ANK2: variants seen among roughly 807,000 people sequenced by gnomAD.
ANK2 encodes ankyrin 2, also known as ankyrin-2.
ANK2 carries 83 observed loss-of-function variants against 360.5 expected under a neutral mutation model. The ratio of observed to expected loss-of-function variants is 0.23; its 90% CI spans 0.19 to 0.28. The LOEUF (loss-of-function observed/expected upper bound fraction) is 0.28, where lower values mean the gene tolerates loss of function less well. Ranked by LOEUF, ANK2 falls within the 10% of genes least tolerant of loss-of-function variation. The pLI is 1.00. For synonymous variants in ANK2, 1,740 were observed against 1,759.5 expected, an observed-to-expected ratio of 0.99 and a Z score of 0.28; for missense variants, 4,201 against 4,795.7, an observed-to-expected ratio of 0.88 and a Z score of 3.66.
At chr4:112,942,599 A>G (rs914520990) in intron 2 of ANK2, among the ~76,000 whole-genome samples, 3 of 151,952 alleles carry the variant, frequency 2.0e-5, no homozygotes, top group Non-Finnish European at 4.4e-5. Context: ...CTATATAAGG[A>G]ATTACATCAA....
chr4:112,714,944 A>G, the ANK2 span, among the ~76,000 whole-genome samples: 1 of 152,260 alleles, frequency 6.6e-6, no homozygotes, highest in Non-Finnish European at 1.5e-5. Context: ...CAATTGCTAC[A>G]TAACAAACCC....
At position 113,355,919 on chromosome 4, in the gene ANK2, A is replaced by G. The variant is rs2095735725; in HGVS notation, c.7301A>G (p.Lys2434Arg). 1.2e-6 allele frequency: 2 copies of G among 1,614,052 alleles called. No individual in the cohort carries two copies. The highest frequency in any genetic ancestry group is 4.5e-5 in the East Asian group (2 of 44,858). Residue 2434 changes from lysine to arginine, a missense_variant, in exon 38 of 46, where the codon AAA (lysine) becomes AGA (arginine). Around this residue, in one of 4 missense-constraint regions of ANK2, gnomAD observed 2,642 missense variants for 2,714.5 expected, o/e 0.97. Transcript: ENST00000357077. ...GATGACTCATTAGCAGTGAGCCACA[A>G]AGACTCTCTGGAAGCCAGCCCTGTG... ...VADDSLAVSHKDSLEASPVLE... is the reference protein window; with the variant it reads ...VADDSLAVSHRDSLEASPVLE...
chr4:112,806,078 CTT>C, the ANK2 span, among the ~76,000 whole-genome samples: 1 of 152,118 alleles, frequency 6.6e-6, no homozygotes, highest in South Asian at 2.1e-4. Context: ...ACATTCCTCT[CTT>C]TTAGTTATTT....
At chr4:112,761,466 A>G in the ANK2 span, among the ~76,000 whole-genome samples, 3 of 152,100 alleles carry the variant, frequency 2.0e-5, no homozygotes, top group Admixed American at 6.5e-5. Context: ...TAAAAATACA[A>G]AAAATTAGCT....
chr4:112,811,202 G>T, the ANK2 span, among the ~76,000 whole-genome samples: 1 of 152,104 alleles, frequency 6.6e-6, no homozygotes, highest in South Asian at 2.1e-4. Context: ...CTCCCAAAGT[G>T]CTGGGATTAC....
chr4:113,204,313 T>A (rs2098910130), intron 4 of ANK2, among the ~76,000 whole-genome samples: 1 of 152,150 alleles, frequency 6.6e-6, no homozygotes, highest in Non-Finnish European at 1.5e-5. Flanking sequence ...TCATCAAACA[T>A]GAGAAGCTAA....
rs775764610 is a variant in ANK2 at position 113,357,587 on chromosome 4, G to T, written c.8969G>T (p.Gly2990Val). Residue 2990 changes from glycine to valine, a missense_variant, in exon 38 of 46, where the codon GGC becomes GTC. Physicochemically the swap from Gly to Val is moderately radical, Grantham distance 109. Coordinates refer to ENST00000357077, the MANE Select transcript of ANK2 (RefSeq NM_001148.6). ...TTAAGCAAAGAATCTAATTTTGAGG[G>T]CCAGGACATAAAAATGGAATCCCAA... ...TVLSKESNFE[G>V]QDIKMESQQE... The T allele has an allele frequency of 2.5e-6, 4 of 1,614,080 alleles. No homozygotes were observed. Among genetic ancestry groups the T allele is most frequent in the East Asian group, 4.5e-5 (2 of 44,878 alleles).
chr4:113,189,119 A>C (rs1204423486), intron 2 of ANK2, among the ~76,000 whole-genome samples: 5 of 152,200 alleles, frequency 3.3e-5, no homozygotes, highest in African/African-American at 1.2e-4. Flanking sequence ...AATTGGTTAA[A>C]AGAACCAAAT....
At chr4:112,748,673 C>T in the ANK2 span, among the ~76,000 whole-genome samples, 1 of 152,126 alleles carries the variant, frequency 6.6e-6, no homozygotes, top group Non-Finnish European at 1.5e-5. Context: ...TGGATGTGGT[C>T]TGAGGATGGA....
intron 2 of ANK2, among the ~76,000 whole-genome samples, chr4:112,998,147 T>G (rs2049303238): frequency 6.6e-6 from 1 of 152,064 alleles, no homozygotes; most frequent in Non-Finnish European, 1.5e-5. Flanking sequence ...CTGTGAGTTT[T>G]TCAGAAATCT....
intron 4 of ANK2, among the ~76,000 whole-genome samples, chr4:113,230,330 T>C (rs1004298107): frequency 7.2e-5 from 11 of 152,170 alleles, no homozygotes; most frequent in African/African-American, 2.7e-4. Flanking sequence ...TCCACACTTA[T>C]ACAATGTATA....
chr4:112,743,494 CTTCA>C, the ANK2 span, among the ~76,000 whole-genome samples: 13 of 146,254 alleles, frequency 8.9e-5, no homozygotes, highest in Non-Finnish European at 1.8e-4. Flanking sequence ...TTTCTCTCTC[CTTCA>C]TTCCTTCCTT....
At chr4:112,912,969 C>A (rs542211221) in intron 2 of ANK2, among the ~76,000 whole-genome samples, 109 of 152,168 alleles carry the variant, frequency 7.2e-4, no homozygotes, top group African/African-American at 2.1e-3. Context: ...AAGCACTAGA[C>A]TGAAAATCTG....
At chr4:113,127,765 T>C (rs2095755023) in intron 1 of ANK2, among the ~76,000 whole-genome samples, 1 of 152,104 alleles carries the variant, frequency 6.6e-6, no homozygotes, top group Admixed American at 6.6e-5. Flanking sequence ...GGAAGGTTCC[T>C]GTGATGAAGA....
chr4:113,032,626 A>G (rs2060657933), intron 2 of ANK2, among the ~76,000 whole-genome samples: 1 of 152,084 alleles, frequency 6.6e-6, no homozygotes, highest in Non-Finnish European at 1.5e-5. Context: ...AGGTATTGCC[A>G]AAAAGCAGCT....
intron 5 of ANK2, among the ~76,000 whole-genome samples, chr4:113,234,321 C>G (rs186684645): frequency 6.6e-6 from 1 of 152,316 alleles, no homozygotes; most frequent in East Asian, 1.9e-4. Flanking sequence ...GGAAATGTGT[C>G]TTTTGCAAAT....
rs77802441 is a variant in ANK2 at position 112,879,387 on chromosome 4, TTG to T, written c.-39-25067_-39-25066del. Among the ~76,000 whole-genome samples, 18 of 152,282 alleles carry T rather than the reference TTG, an allele frequency of 1.2e-4. No homozygotes were observed. The East Asian group carries it at 3.5e-3, about 29-fold the overall frequency. On this transcript the variant is annotated intron_variant, in intron 1 of 30. Transcript: ENST00000503271. ...ACAGCTCTATGGAGAAGTCTATGTG[TTG>T]AGGAACTGAGGCTTCTAGAAAACAG...
chr4:112,782,936 G>T, the ANK2 span, among the ~76,000 whole-genome samples: 17 of 151,936 alleles, frequency 1.1e-4, no homozygotes, highest in Non-Finnish European at 1.6e-4. Context: ...TTGAGACGGA[G>T]TCTCACTCTG....
At chr4:112,877,677 G>A (rs1203010242) in intron 1 of ANK2, among the ~76,000 whole-genome samples, 1 of 152,114 alleles carries the variant, frequency 6.6e-6, no homozygotes, top group African/African-American at 2.4e-5. Context: ...AACAACTCAT[G>A]GGGACTGGGG....
Sources: allele counts gnomAD v4.1 joint callset (sites outside exome capture counted in the v4.1 genomes callset), GRCh38; gene constraint gnomAD v4.1.1; regional missense constraint gnomAD v4.1.1; transcripts MANE v1.5; gene names NCBI Gene and HGNC (gene_info 2026-07-23, HGNC 2026-07-21).